The following PPP1R16B variants were observed in gnomAD, a reference collection of about 807,000 sequenced individuals.
PPP1R16B encodes protein phosphatase 1 regulatory subunit 16B, also known as protein phosphatase 1 regulatory inhibitor subunit 16B.
A neutral mutation model predicts 61.7 loss-of-function variants in PPP1R16B; 14 were observed. The observed-to-expected ratio is 0.23, with a 90% confidence interval of 0.15 to 0.35. The LOEUF is 0.35. Among genes scored for constraint, PPP1R16B ranks in the 10% least tolerant of loss-of-function variants. The pLI is 1.00. For synonymous variants in PPP1R16B, 266 were observed against 305.3 expected, an observed-to-expected ratio of 0.87 and a Z score of 1.34; for missense variants, 547 against 752.5, an observed-to-expected ratio of 0.73 and a Z score of 3.19.
chr20:38,846,359 A>G (rs1185815042), intron 2 of PPP1R16B, among the ~76,000 whole-genome samples: 5 of 152,154 alleles, frequency 3.3e-5, no homozygotes, highest in African/African-American at 1.2e-4. Flanking sequence ...CAGAGAAGGG[A>G]TCACTAGAGA....
intron 10 of PPP1R16B, among the ~76,000 whole-genome samples, chr20:38,910,956 C>T (rs1381454112): frequency 1.3e-5 from 2 of 151,866 alleles, no homozygotes; most frequent in African/African-American, 2.4e-5. Context: ...GATCGAGCCA[C>T]TGCACTCCAG....
At position 38,921,150 on chromosome 20, in the gene PPP1R16B, C is replaced by T. The variant is rs562616372; in HGVS notation, c.*2484C>T. 1 of 152,334 alleles carries T rather than the reference C, an allele frequency of 6.6e-6. No homozygotes were observed. Among genetic ancestry groups the T allele is most frequent in the South Asian group, 2.1e-4 (1 of 4,824 alleles). The allele number at this position is 152,334 out of a possible 1,614,324, so 9.4% of individuals were successfully genotyped here. ...GATTCCCTGACAGGAGCCGACTTCA[C>T]ACACAGGTGACTCTCAGGCATTGGC... On this transcript the variant is annotated 3_prime_UTR_variant, in exon 11 of 11. Coordinates refer to ENST00000299824, the MANE Select transcript of PPP1R16B (RefSeq NM_015568.4).
chr20:38,893,438 G>A (rs920675398), intron 3 of PPP1R16B, among the ~76,000 whole-genome samples: 1 of 152,188 alleles, frequency 6.6e-6, no homozygotes, highest in African/African-American at 2.4e-5. Flanking sequence ...GCTCTCTCTG[G>A]TCGAGGGTGT....
chr20:38,886,554 T>A (rs1386148131), intron 2 of PPP1R16B, among the ~76,000 whole-genome samples: 1 of 152,182 alleles, frequency 6.6e-6, no homozygotes, highest in African/African-American at 2.4e-5. Flanking sequence ...CCAAAAGCCA[T>A]CTGTAATGCT....
At chr20:38,874,741 G>A (rs73114235) in intron 2 of PPP1R16B, among the ~76,000 whole-genome samples, 11,747 of 152,202 alleles carry the variant, frequency 0.077, 616 homozygotes, top group Admixed American at 0.14. Flanking sequence ...AAAACCTGGG[G>A]TCAAGTTTGG....
At chr20:38,834,573 T>A (rs2084857329) in intron 1 of PPP1R16B, among the ~76,000 whole-genome samples, 1 of 152,200 alleles carries the variant, frequency 6.6e-6, no homozygotes, top group Admixed American at 6.5e-5. Context: ...TAACTAAGAT[T>A]TTCTATGTCC....
chr20:38,910,081 C>A (rs192361632), intron 10 of PPP1R16B, among the ~76,000 whole-genome samples: 10 of 151,640 alleles, frequency 6.6e-5, no homozygotes, highest in South Asian at 2.1e-4. Flanking sequence ...CGGGTTCAAG[C>A]GATTCTCTTG....
At chr20:38,879,974 G>A (rs2085193356) in intron 2 of PPP1R16B, among the ~76,000 whole-genome samples, 1 of 152,198 alleles carries the variant, frequency 6.6e-6, no homozygotes, top group South Asian at 2.1e-4. Context: ...CCCAGCCTGG[G>A]AATGCTCTTG....
intron 2 of PPP1R16B, among the ~76,000 whole-genome samples, chr20:38,863,158 G>C (rs2085065591): frequency 6.6e-6 from 1 of 152,122 alleles, no homozygotes; most frequent in South Asian, 2.1e-4. Context: ...CTGCCTCCCT[G>C]GATGCAAGTT....
In PPP1R16B at chr20:38,895,788, TCCC is replaced by T. The variant is rs1181051947; in HGVS notation, c.467+79_467+81del. The T allele has an allele frequency of 2.2e-4, 316 of 1,422,272 alleles. 2 individuals carry two copies. The highest frequency in any genetic ancestry group is 4.1e-4 in the African/African-American group (28 of 68,128). 88.1% of individuals were successfully genotyped at this position (1,422,272 alleles called of 1,614,324 possible). ...CCAACTTCCTTCTTTCTCTCCTCCC[TCCC>T]TCCTTCCTTCTTTCTCTCCTCCCTT... On this transcript the variant is annotated intron_variant, in intron 4 of 10. Coordinates refer to ENST00000299824, the MANE Select transcript of PPP1R16B (RefSeq NM_015568.4).
chr20:38,901,073 G>C (rs925687051), intron 5 of PPP1R16B, among the ~76,000 whole-genome samples: 2 of 152,198 alleles, frequency 1.3e-5, no homozygotes, highest in Non-Finnish European at 2.9e-5. Flanking sequence ...CAGGCACCAC[G>C]CTGGCTGCCA....
In PPP1R16B at chr20:38,835,886, G is replaced by C; in HGVS notation, c.-40G>C. 3 of 1,506,944 alleles carry C rather than the reference G, an allele frequency of 2.0e-6. No homozygotes were observed. The highest frequency in any genetic ancestry group is 1.3e-5 in the South Asian group (1 of 78,358). 93.3% of individuals were successfully genotyped at this position (1,506,944 alleles called of 1,614,324 possible). Reference sequence around the variant, plus strand: ...GCGCTGCCCTGGCCCCCGGTGCACCGTGCTAGCCCCCAGCCAGGGCGTTGG... The same window carrying C: ...GCGCTGCCCTGGCCCCCGGTGCACCCTGCTAGCCCCCAGCCAGGGCGTTGG... On this transcript the variant is annotated 5_prime_UTR_variant, in exon 2 of 11. Coordinates refer to ENST00000299824, the MANE Select transcript of PPP1R16B (RefSeq NM_015568.4).
intron 3 of PPP1R16B, among the ~76,000 whole-genome samples, chr20:38,894,828 G>A (rs1220081532): frequency 6.6e-6 from 1 of 152,208 alleles, no homozygotes; most frequent in Non-Finnish European, 1.5e-5. Flanking sequence ...CTGTGTTGGA[G>A]CCTGCGTTCT....
intron 2 of PPP1R16B, among the ~76,000 whole-genome samples, chr20:38,859,011 G>C (rs2085028279): frequency 6.6e-6 from 1 of 152,132 alleles, no homozygotes; most frequent in Non-Finnish European, 1.5e-5. Context: ...ATGTCTCAGA[G>C]CTCCAAGAGC....
At chr20:38,854,109 C>A (rs1008537343) in intron 2 of PPP1R16B, among the ~76,000 whole-genome samples, 6 of 152,170 alleles carry the variant, frequency 3.9e-5, no homozygotes, top group African/African-American at 1.4e-4. Flanking sequence ...GATGTGATAA[C>A]CCTGGGCACA....
intron 1 of PPP1R16B, among the ~76,000 whole-genome samples, chr20:38,823,679 A>G (rs139723699): frequency 7.6e-4 from 116 of 152,120 alleles, no homozygotes; most frequent in African/African-American, 2.7e-3. Context: ...ACACACAAAA[A>G]TGCTCACTGA....
At chr20:38,843,182 A>T (rs1226503382) in intron 2 of PPP1R16B, among the ~76,000 whole-genome samples, 1 of 152,248 alleles carries the variant, frequency 6.6e-6, no homozygotes, top group Non-Finnish European at 1.5e-5. Flanking sequence ...ATTTAAACGG[A>T]GGCATTAAAT....
intron 3 of PPP1R16B, among the ~76,000 whole-genome samples, chr20:38,889,914 CT>C (rs2038042726): frequency 6.6e-6 from 1 of 152,238 alleles, no homozygotes; most frequent in Non-Finnish European, 1.5e-5. Context: ...GACAGGGAGC[CT>C]TTGTTCACTG....
chr20:38,809,228 C>T (rs2084682836), intron 1 of PPP1R16B, among the ~76,000 whole-genome samples: 1 of 150,818 alleles, frequency 6.6e-6, no homozygotes, highest in Non-Finnish European at 1.5e-5. Context: ...CGGGGAAAGC[C>T]TCTCAGCCTG....
Sources: gnomAD v4.1 joint callset for allele counts (sites outside exome capture counted in the v4.1 genomes callset) on GRCh38, gnomAD v4.1.1 for gene constraint, MANE v1.5 for transcripts, NCBI Gene and HGNC (gene_info 2026-07-23, HGNC 2026-07-21) for gene names.